ACTR3C: variants seen among roughly 807,000 people sequenced by gnomAD.
The protein encoded by ACTR3C is actin related protein 3C.
ACTR3C carries 18 observed loss-of-function variants against 26.3 expected under a neutral mutation model. That is an observed-to-expected ratio of 0.68 (90% CI 0.47 to 1.01). ACTR3C has a LOEUF of 1.01. Ranked by LOEUF, ACTR3C falls within the 50% of genes least tolerant of loss-of-function variation. The pLI is 0.00. For missense variants in ACTR3C, 184 were observed against 250.7 expected, an observed-to-expected ratio of 0.73 and a Z score of 1.80; for synonymous variants, 55 against 94.5, an observed-to-expected ratio of 0.58 and a Z score of 2.42.
the ACTR3C span, among the ~76,000 whole-genome samples, chr7:150,211,920 G>A: frequency 6.8e-6 from 1 of 146,550 alleles, no homozygotes; most frequent in Non-Finnish European, 1.5e-5. Context: ...GTTCTGCTGT[G>A]CGCACATTTT....
chr7:150,119,584 C>A, the ACTR3C span, among the ~76,000 whole-genome samples: 1 of 152,162 alleles, frequency 6.6e-6, no homozygotes, highest in African/African-American at 2.4e-5. Flanking sequence ...ATTCATAAAG[C>A]AAATTCTTAG....
At chr7:150,052,879 A>G in the ACTR3C span, among the ~76,000 whole-genome samples, 8 of 97,592 alleles carry the variant, frequency 8.2e-5, 1 homozygote, top group Admixed American at 2.2e-4. Flanking sequence ...CTTTCTAACT[A>G]CCTTTCTTCA....
chr7:150,193,517 G>A, the ACTR3C span, among the ~76,000 whole-genome samples: 1 of 145,992 alleles, frequency 6.8e-6, no homozygotes, highest in Non-Finnish European at 1.5e-5. Context: ...TTAGATCATT[G>A]ATTTAAGATC....
At chr7:149,937,559 G>A in the ACTR3C span, among the ~76,000 whole-genome samples, 92 of 152,268 alleles carry the variant, frequency 6.0e-4, no homozygotes, top group Non-Finnish European at 2.1e-4. Flanking sequence ...TGAGAAGAGA[G>A]AACAGCAGAT....
chr7:150,015,525 T>C, the ACTR3C span, among the ~76,000 whole-genome samples: 1 of 152,156 alleles, frequency 6.6e-6, no homozygotes, highest in African/African-American at 2.4e-5. Flanking sequence ...AAACTAGAAC[T>C]GCAGAAAGAC....
At chr7:149,954,598 AT>A in the ACTR3C span, among the ~76,000 whole-genome samples, 648 of 152,338 alleles carry the variant, frequency 4.3e-3, 1 homozygote, top group Non-Finnish European at 7.3e-3. Context: ...CCAGTTTCTT[AT>A]TCAATATTTG....
the ACTR3C span, among the ~76,000 whole-genome samples, chr7:149,988,870 T>C: frequency 6.6e-6 from 1 of 152,266 alleles, no homozygotes; most frequent in Non-Finnish European, 1.5e-5. Context: ...GAATTATTTA[T>C]TTGTTATTAA....
the ACTR3C span, among the ~76,000 whole-genome samples, chr7:149,985,917 C>G: frequency 2.0e-5 from 3 of 152,292 alleles, no homozygotes; most frequent in East Asian, 5.8e-4. Flanking sequence ...CATGCACCCT[C>G]CTCTCCATCC....
the ACTR3C span, among the ~76,000 whole-genome samples, chr7:150,034,639 C>G: frequency 4.0e-5 from 6 of 148,350 alleles, no homozygotes; most frequent in Admixed American, 2.0e-4. Flanking sequence ...GAGCTGCCTT[C>G]GGACCCGTCG....
the ACTR3C span, among the ~76,000 whole-genome samples, chr7:150,040,271 G>A: frequency 6.1e-5 from 9 of 147,306 alleles, no homozygotes; most frequent in Middle Eastern, 3.4e-3. Flanking sequence ...GTAGGCTACC[G>A]GCCTCAGCCA....
At chr7:149,990,849 C>A in the ACTR3C span, among the ~76,000 whole-genome samples, 1 of 152,136 alleles carries the variant, frequency 6.6e-6, no homozygotes, top group Non-Finnish European at 1.5e-5. Context: ...ACAGTGTATT[C>A]AGGGGAGTTA....
chr7:150,126,534 G>A, the ACTR3C span, among the ~76,000 whole-genome samples: 6 of 152,138 alleles, frequency 3.9e-5, no homozygotes, highest in Admixed American at 6.5e-5. Flanking sequence ...CATGCTTGCC[G>A]GGCATCTGCC....
chr7:149,892,341 C>G, the ACTR3C span: 1 of 1,608,176 alleles, frequency 6.2e-7, no homozygotes, highest in East Asian at 2.2e-5. Context: ...ATCAACTCCC[C>G]TCAACACTCT....
the ACTR3C span, among the ~76,000 whole-genome samples, chr7:150,188,967 T>C: frequency 6.7e-6 from 1 of 148,638 alleles, no homozygotes. Context: ...TCTGCATATA[T>C]ATGTATATAT....
At chr7:150,169,479 A>G in the ACTR3C span, among the ~76,000 whole-genome samples, 1 of 150,230 alleles carries the variant, frequency 6.7e-6, no homozygotes, top group South Asian at 2.1e-4. Flanking sequence ...GGCCGCCTAT[A>G]AGCCAGGAAG....
chr7:150,131,580 A>G, the ACTR3C span, among the ~76,000 whole-genome samples: 5 of 152,194 alleles, frequency 3.3e-5, no homozygotes, highest in Non-Finnish European at 7.3e-5. Flanking sequence ...GAGCTACACC[A>G]CTTGGGAGCT....
At chr7:149,904,112 G>A in the ACTR3C span, among the ~76,000 whole-genome samples, 1 of 140,268 alleles carries the variant, frequency 7.1e-6, no homozygotes, top group Non-Finnish European at 1.6e-5. Context: ...GTAGAGACAA[G>A]GTTTCACCAT....
chr7:150,049,515 T>A, the ACTR3C span, among the ~76,000 whole-genome samples: 1 of 152,250 alleles, frequency 6.6e-6, no homozygotes, highest in Non-Finnish European at 1.5e-5. Context: ...CGGGTTTCCA[T>A]GCCTGTTTCC....
chr7:149,981,284 C>T, the ACTR3C span, among the ~76,000 whole-genome samples: 8 of 151,986 alleles, frequency 5.3e-5, no homozygotes, highest in Admixed American at 5.2e-4. Context: ...CAGGAGTAGA[C>T]CCCACCCATG....
Sources: gnomAD v4.1 joint callset for allele counts (sites outside exome capture counted in the v4.1 genomes callset) on GRCh38, gnomAD v4.1.1 for gene constraint, MANE v1.5 for transcripts, NCBI Gene and HGNC (gene_info 2026-07-23, HGNC 2026-07-21) for gene names.